Variants in MALRD1 observed in about 807,000 individuals in gnomAD.
The protein encoded by MALRD1 is MAM and LDL receptor class A domain containing 1.
In MALRD1, 247 loss-of-function variants were observed where a neutral mutation model predicts 242.1. That is an observed-to-expected ratio of 1.02 (90% CI 0.92 to 1.13). The LOEUF is 1.13. Among genes scored for constraint, MALRD1 ranks in the 50% most tolerant of loss-of-function variants. MALRD1 has a pLI of 0.00. For missense variants in MALRD1, 2,989 were observed against 2,533.1 expected, an observed-to-expected ratio of 1.18 and a Z score of -3.86; for synonymous variants, 995 against 866.6, an observed-to-expected ratio of 1.15 and a Z score of -2.60.
At chr10:19,567,022 C>A (rs1335876529) in intron 32 of MALRD1, among the ~76,000 whole-genome samples, 2 of 152,034 alleles carry the variant, frequency 1.3e-5, no homozygotes, top group Non-Finnish European at 2.9e-5. Context: ...AATGTTAGTT[C>A]ATCCAGGAAG....
chr10:19,428,779 TTGTATTTTCAGAATAAGATGAAATTAGC>T (rs1165500654), intron 28 of MALRD1, among the ~76,000 whole-genome samples: 8 of 152,226 alleles, frequency 5.3e-5, no homozygotes, highest in Non-Finnish European at 8.8e-5. Flanking sequence ...TAATCCCATT[TTGTATTTTCAGAATAAGATGAAATTAGC>T]TGTAGACTCT....
At chr10:19,718,219 A>AGAGGAAGAGGAAAAGAGGAAGAG (rs1834505134) in intron 38 of MALRD1, among the ~76,000 whole-genome samples, 1 of 148,638 alleles carries the variant, frequency 6.7e-6, no homozygotes. Flanking sequence ...AAGAAGAAGA[A>AGAGGAAGAGGAAAAGAGGAAGAG]GAAGCAACAG....
At chr10:19,162,198 C>G (rs1373088899) in intron 12 of MALRD1, among the ~76,000 whole-genome samples, 4 of 152,208 alleles carry the variant, frequency 2.6e-5, no homozygotes, top group African/African-American at 9.6e-5. Flanking sequence ...TCTTTTGCCA[C>G]TCTTCCTCCA....
At position 19,588,539 on chromosome 10, in the gene MALRD1, A is replaced by G. The variant is rs61275130; in HGVS notation, c.5681-6655A>G. Among the ~76,000 whole-genome samples, 241 of 152,304 alleles carry G rather than the reference A, an allele frequency of 1.6e-3. 1 individual carries two copies. The highest frequency in any genetic ancestry group is 5.7e-3 in the African/African-American group (237 of 41,566). On this transcript the variant is annotated intron_variant, in intron 33 of 39. Transcript: ENST00000454679. The stretch of plus-strand genomic sequence containing the variant: ...GTGATGCAATTACAATTTCCTGACA[A>G]AGCACAAGTATAGCTTTGATTGTGG...
At chr10:19,723,138 G>A (rs1214522577) in intron 38 of MALRD1, among the ~76,000 whole-genome samples, 1 of 152,120 alleles carries the variant, frequency 6.6e-6, no homozygotes, top group African/African-American at 2.4e-5. Flanking sequence ...GATATTGTCT[G>A]ACATCTTAGA....
chr10:19,369,420 A>G (rs956459959), intron 26 of MALRD1, among the ~76,000 whole-genome samples: 18 of 147,864 alleles, frequency 1.2e-4, no homozygotes, highest in Non-Finnish European at 2.2e-4. Context: ...ACATTCTTCT[A>G]TGGAGTAGCT....
At chr10:19,162,652 T>C (rs557781600) in intron 12 of MALRD1, among the ~76,000 whole-genome samples, 1 of 152,192 alleles carries the variant, frequency 6.6e-6, no homozygotes, top group East Asian at 1.9e-4. Context: ...ATTATTAAAA[T>C]GTCAAAAAAT....
intron 18 of MALRD1, among the ~76,000 whole-genome samples, chr10:19,215,970 T>G (rs973424946): frequency 1.3e-5 from 2 of 151,736 alleles, no homozygotes; most frequent in African/African-American, 4.8e-5. Context: ...ACAGGTAGAG[T>G]GCCTTACCTA....
In MALRD1 at chr10:19,604,843, A is replaced by G. The variant is rs181799186; in HGVS notation, c.5945-2934A>G. ...ATTTATATGCACTGGGAAACAAAAC[A>G]ATTTTATGTGACTTGCATTAATGCA... On this transcript the variant is annotated intron_variant, in intron 34 of 39. Transcript: ENST00000454679. Among the ~76,000 whole-genome samples, 4 of 152,250 alleles carry G rather than the reference A, an allele frequency of 2.6e-5. No individual in the cohort carries two copies. In the East Asian group the frequency reaches 7.7e-4, roughly 29 times the overall value.
chr10:19,529,726 A>C (rs568657452), intron 31 of MALRD1, among the ~76,000 whole-genome samples: 2 of 152,270 alleles, frequency 1.3e-5, no homozygotes, highest in African/African-American at 4.8e-5. Flanking sequence ...TGTCAGTAAG[A>C]AACCTACATT....
intron 20 of MALRD1, among the ~76,000 whole-genome samples, chr10:19,282,511 A>T (rs1446946890): frequency 1.3e-5 from 2 of 152,240 alleles, no homozygotes; most frequent in East Asian, 1.9e-4. Context: ...TGTACATTTT[A>T]AAAAATCGCT....
At chr10:19,313,611 C>A (rs992882673) in intron 21 of MALRD1, among the ~76,000 whole-genome samples, 31 of 151,412 alleles carry the variant, frequency 2.0e-4, no homozygotes, top group Non-Finnish European at 3.8e-4. Context: ...ATCACACATA[C>A]CTCAAACTAT....
At chr10:19,076,640 C>T (rs933107317) in intron 2 of MALRD1, among the ~76,000 whole-genome samples, 1 of 152,006 alleles carries the variant, frequency 6.6e-6, no homozygotes, top group Admixed American at 6.6e-5. Flanking sequence ...ATTGATCTTT[C>T]TGCCTGTGCT....
intron 24 of MALRD1, among the ~76,000 whole-genome samples, chr10:19,333,272 A>T (rs1311691497): frequency 6.6e-6 from 1 of 152,144 alleles, no homozygotes; most frequent in Non-Finnish European, 1.5e-5. Flanking sequence ...AGGACACAAT[A>T]GATTTTTAGC....
rs1292314880 is a variant in MALRD1, at chr10:19,332,175, T to G, written c.3901+593T>G. 1.5e-4 allele frequency among the ~76,000 whole-genome samples: 4 copies of G among 26,072 alleles called. 1 individual carries two copies. The highest frequency in any genetic ancestry group is 0.048 in the Middle Eastern group (2 of 42). 17.1% of individuals were successfully genotyped at this position (26,072 alleles called of 152,430 possible). On this transcript the variant is annotated intron_variant, in intron 24 of 39. Coordinates refer to ENST00000454679, the MANE Select transcript of MALRD1 (RefSeq NM_001142308.3). ...TACTGTGCCTGGCCTGAAATAAATG[T>G]TGTTTTTTTTTTTTTGAAAAATGAC...
At position 19,561,138 on chromosome 10, in the gene MALRD1, T is replaced by C. The variant is rs190447910; in HGVS notation, c.5479-6364T>C. Reference sequence around the variant, plus strand: ...ATAATATCAAACAGGATTTTTCAGCTATCTCCCTGTTATTGACTTCTAGTT... The same window carrying C: ...ATAATATCAAACAGGATTTTTCAGCCATCTCCCTGTTATTGACTTCTAGTT... On this transcript the variant is annotated intron_variant, in intron 32 of 39. Transcript: ENST00000454679. Among the ~76,000 whole-genome samples, 17 of 152,310 alleles carry C rather than the reference T, an allele frequency of 1.1e-4. No homozygotes were observed. In the East Asian group the frequency reaches 1.9e-3, roughly 17 times the overall value.
chr10:19,329,649 A>C (rs1411361731), intron 23 of MALRD1, among the ~76,000 whole-genome samples: 1 of 152,212 alleles, frequency 6.6e-6, no homozygotes, highest in African/African-American at 2.4e-5. Flanking sequence ...TACAAATGGC[A>C]GAGGCTGACT....
At chr10:19,071,432 C>T (rs1400834914) in intron 2 of MALRD1, among the ~76,000 whole-genome samples, 1 of 151,952 alleles carries the variant, frequency 6.6e-6, no homozygotes, top group African/African-American at 2.4e-5. Context: ...TTTTGCCTTG[C>T]ACTCCATCTG....
At position 19,165,263 on chromosome 10, in the gene MALRD1, A is replaced by ATTT. The variant is rs1156990613; in HGVS notation, c.1657-373_1657-372insTTT. Reference sequence around the variant, plus strand: ...TTGGAATATATATATATATATATATATATTTTGTTTTGTTTTGTTTTTGTT... The same window carrying ATTT: ...TTGGAATATATATATATATATATATATTTTATTTTGTTTTGTTTTGTTTTTGTT... On this transcript the variant is annotated intron_variant, in intron 12 of 39. Transcript: ENST00000454679. Among the ~76,000 whole-genome samples, 95 of 131,248 alleles carry ATTT rather than the reference A, an allele frequency of 7.2e-4. 1 individual carries two copies. Among genetic ancestry groups the ATTT allele is most frequent in the Admixed American group, 7.1e-3 (94 of 13,266 alleles). 86.1% of individuals were successfully genotyped at this position (131,248 alleles called of 152,430 possible).
Sources: allele counts gnomAD v4.1 joint callset (sites outside exome capture counted in the v4.1 genomes callset), GRCh38; gene constraint gnomAD v4.1.1; transcripts MANE v1.5; gene names NCBI Gene and HGNC (gene_info 2026-07-23, HGNC 2026-07-21).